The following PLEKHH3 variants were observed in gnomAD, a reference collection of about 807,000 sequenced individuals.
PLEKHH3 encodes the protein pleckstrin homology, MyTH4 and FERM domain containing H3, also known as pleckstrin homology domain-containing family H member 3.
A neutral mutation model predicts 77.8 loss-of-function variants in PLEKHH3; 57 were observed. The ratio of observed to expected loss-of-function variants is 0.73; its 90% CI spans 0.59 to 0.91. The LOEUF is 0.91. Ranked by LOEUF, PLEKHH3 falls within the 40% of genes least tolerant of loss-of-function variation. The probability of loss-of-function intolerance (pLI) is 0.00; values close to 1 mark genes in which losing one functional copy is unlikely to be tolerated. For missense variants in PLEKHH3, 1,082 were observed against 1,091.2 expected, an observed-to-expected ratio of 0.99 and a Z score of 0.12; for synonymous variants, 467 against 504.8, an observed-to-expected ratio of 0.93 and a Z score of 1.00.
chr17:42,675,571 G>T (rs188591421), intron 1 of PLEKHH3, among the ~76,000 whole-genome samples: 79 of 152,248 alleles, frequency 5.2e-4, no homozygotes, highest in African/African-American at 1.8e-3. Context: ...CGCCGGCCCC[G>T]GCGGCGCAGC....
In PLEKHH3 at chr17:42,673,307, A is replaced by C; in HGVS notation, c.649-11T>G. 5 of 1,599,236 alleles carry C rather than the reference A, an allele frequency of 3.1e-6. No homozygotes were observed. The highest frequency in any genetic ancestry group is 4.3e-6 in the Non-Finnish European group (5 of 1,175,776). ...GTCCCCGCAACTTTCCTAGGGGGCC[A>C]GGGAGAGGGTCACCTTGATGGGGAA... On this transcript the variant is annotated splice_polypyrimidine_tract_variant and intron_variant, in intron 5 of 12. Transcript: ENST00000591022.
intron 6 of PLEKHH3, 34 bp from the exon 7 acceptor site, chr17:42,672,426 A>T (rs1416685973): frequency 1.4e-6 from 2 of 1,475,770 alleles, no homozygotes; most frequent in South Asian, 2.7e-5. Flanking sequence ...GACGGTTTGG[A>T]GAGGGGACAC....
Position 42,671,033 on chromosome 17 carries a change from C to A in PLEKHH3, c.1382G>T (p.Gly461Val). Residue 461 changes from glycine (G) to valine (V), a missense_variant, in exon 9 of 13, where the codon GGG becomes GTG. Around this residue, in one of 3 missense-constraint regions of PLEKHH3, gnomAD observed 733 missense variants for 750.0 expected, o/e 0.98. Transcript: ENST00000591022. This position sits in a 1 kb window ranked among gnomAD's most constrained non-coding sequence, Gnocchi z 4.7. ...QRGAQERALAGGTLVADVLTR... is the reference protein window; with the variant it reads ...QRGAQERALAVGTLVADVLTR... The stretch of plus-strand genomic sequence containing the variant: ...GAGCACGTCGGCCACGAGGGTCCCC[C>A]CAGCCAGGGCTCGCTCCTGGGCCCC... 6.2e-7 allele frequency: 1 copy of A among 1,611,046 alleles called. No individual in the cohort carries two copies. The highest frequency in any genetic ancestry group is 8.5e-7 in the Non-Finnish European group (1 of 1,179,186).
chr17:42,672,456 A>T (rs1460189093), intron 6 of PLEKHH3, 64 bp from the exon 7 acceptor site: 1 of 1,398,038 alleles, frequency 7.2e-7, no homozygotes, highest in Non-Finnish European at 9.4e-7. Flanking sequence ...CCCTGGGAGG[A>T]AGGCATGAAC....
At chr17:42,673,136 C>T (rs1334873348) in intron 6 of PLEKHH3, 40 bp downstream of exon 6, 1 of 1,492,042 alleles carries the variant, frequency 6.7e-7, no homozygotes, top group South Asian at 1.4e-5. Context: ...TCTGAACCAC[C>T]CCATCCCATC....
rs763766690 is a variant in PLEKHH3, at chr17:42,669,488, C to T, written c.2147G>A (p.Gly716Asp). Reference sequence around the variant, plus strand: ...CACCCTCAAGGCCAGGGTGTGGGGGCCCATTAGCTGGCAGGCGGCCACATG... The same window carrying T: ...CACCCTCAAGGCCAGGGTGTGGGGGTCCATTAGCTGGCAGGCGGCCACATG... ...YGHVAACQLM[G>D]PHTLALRVGE... Residue 716 changes from glycine to aspartate, a missense_variant, in exon 12 of 13, where the codon GGC (glycine) becomes GAC (aspartate). This residue lies in a region of PLEKHH3 where 733 missense variants were observed against 750.0 expected (regional missense o/e 0.98). Coordinates refer to ENST00000591022, the MANE Select transcript of PLEKHH3 (RefSeq NM_024927.5). 3 of 1,602,266 alleles carry T rather than the reference C, an allele frequency of 1.9e-6. No homozygotes were observed. Among genetic ancestry groups the T allele is most frequent in the Admixed American group, 1.7e-5 (1 of 59,440 alleles).
In PLEKHH3 at chr17:42,676,466, C is replaced by T. The variant is rs2052830298; in HGVS notation, c.98G>A (p.Gly33Glu). ...DYGDGELSGD[G>E]DEDEDEETFE... ...GGTTTCCTCGTCCTCGTCCTCGTCC[C>T]CGTCCCCGCTAAGCTCGCCGTCCCC... The change falls in exon 1 of 13, where the codon GGG (glycine) becomes GAG (glutamate). Residue 33 changes from glycine (G) to glutamate (E), a missense_variant. Gly to Glu is a moderately conservative substitution (Grantham distance 98). Coordinates refer to ENST00000591022, the MANE Select transcript of PLEKHH3 (RefSeq NM_024927.5). This position sits in a 1 kb window ranked among gnomAD's most constrained non-coding sequence, Gnocchi z 6.6. 6.2e-7 allele frequency: 1 copy of T among 1,612,984 alleles called. No individual in the cohort carries two copies. The highest frequency in any genetic ancestry group is 1.6e-4 in the Middle Eastern group (1 of 6,062).
At position 42,671,203 on chromosome 17, in the gene PLEKHH3, A is replaced by G; in HGVS notation, c.1285-73T>C. On this transcript the variant is annotated intron_variant, in intron 8 of 12. Coordinates refer to ENST00000591022, the MANE Select transcript of PLEKHH3 (RefSeq NM_024927.5). The surrounding 1 kb of genome is among the most constrained non-coding windows in gnomAD (Gnocchi z 4.7). ...TCTGGGAGGGGTTGATTCAATTGGA[A>G]GGGGTCTCTTAGTCCTGTCACCACC... 1 of 1,527,340 alleles carries G rather than the reference A, an allele frequency of 6.5e-7. No individual in the cohort carries two copies. Among genetic ancestry groups the G allele is most frequent in the Non-Finnish European group, 8.8e-7 (1 of 1,134,778 alleles). The allele number at this position is 1,527,340 out of a possible 1,614,324, so 94.6% of individuals were successfully genotyped here.
chr17:42,672,652 G>A (rs1016730798), intron 6 of PLEKHH3, among the ~76,000 whole-genome samples: 2 of 152,048 alleles, frequency 1.3e-5, no homozygotes, highest in African/African-American at 4.8e-5. Flanking sequence ...GGCCGGGAAG[G>A]GCTGTAGATT....
In PLEKHH3 at chr17:42,672,195, C is replaced by T. The variant is rs376069185; in HGVS notation, c.967G>A (p.Ala323Thr). Reference sequence around the variant, plus strand: ...CGCAGGGCCGCAGGGTCTTGGGTAGCCGGGAGCCCGGGGGGACCTGCAGGG... The same window carrying T: ...CGCAGGGCCGCAGGGTCTTGGGTAGTCGGGAGCCCGGGGGGACCTGCAGGG... ...SGPAGPPGLP[A>T]TQDPAALRYW... The change falls in exon 7 of 13, where the codon GCT becomes ACT. Residue 323 changes from alanine (A) to threonine (T), a missense_variant. Ala to Thr is a moderately conservative substitution (Grantham distance 58). This residue lies in a region of PLEKHH3 where 733 missense variants were observed against 750.0 expected (regional missense o/e 0.98). Transcript: ENST00000591022. 6.4e-6 allele frequency: 10 copies of T among 1,551,108 alleles called. No homozygotes were observed. The highest frequency in any genetic ancestry group is 8.7e-6 in the Non-Finnish European group (10 of 1,147,068).
At chr17:42,674,816 G>A (rs2143605666) in intron 1 of PLEKHH3, 2 of 187,764 alleles carry the variant, frequency 1.1e-5, no homozygotes, top group South Asian at 1.9e-4. Flanking sequence ...AGGTGAGCTC[G>A]TTCTGCCAGG....
Position 42,670,636 on chromosome 17 carries a change from G to C in PLEKHH3, c.1491C>G (p.His497Gln), listed in dbSNP as rs1403963720. ...DSGWRLCLRL[H>Q]GPLHPEGLSP... ...ACAGCCCCTCAGGGTGCAGAGGTCC[G>C]TGAAGACGCAGACATAGTCTCCACC... The change falls in exon 10 of 13, where the codon CAC becomes CAG. Residue 497 changes from histidine (H) to glutamine (Q), a missense_variant. By Grantham distance (24) the His-to-Gln change is conservative (BLOSUM62 0). Around this residue, in one of 3 missense-constraint regions of PLEKHH3, gnomAD observed 733 missense variants for 750.0 expected, o/e 0.98. Transcript: ENST00000591022. The C allele has an allele frequency of 2.5e-6, 4 of 1,613,108 alleles. No homozygotes were observed. The East Asian group carries it at 6.7e-5, about 27-fold the overall frequency.
chr17:42,668,818 T>TTTTTTGTTG (rs535731925), intron 12 of PLEKHH3: 1 of 149,264 alleles, frequency 6.7e-6, no homozygotes, highest in Non-Finnish European at 1.5e-5. Context: ...AACATTTTTT[T>TTTTTTGTTG]TTGTTGTTGT....
rs756938924 is a variant in PLEKHH3, at chr17:42,671,273, G to A, written c.1284+78C>T. 5.6e-5 allele frequency: 88 copies of A among 1,559,550 alleles called. No homozygotes were observed. The highest frequency in any genetic ancestry group is 7.5e-5 in the Non-Finnish European group (86 of 1,146,756). ...TAATCTAGACTCGGGGCAAACCTAG[G>A]GTCCAGGAAGAGGGAGAGACAGGCG... On this transcript the variant is annotated intron_variant, in intron 8 of 12. Transcript: ENST00000591022. This position sits in a 1 kb window ranked among gnomAD's most constrained non-coding sequence, Gnocchi z 4.7.
intron 1 of PLEKHH3, chr17:42,675,849 G>A: frequency 1.0e-6 from 1 of 989,036 alleles, no homozygotes; most frequent in Non-Finnish European, 1.2e-6. Context: ...AAAGCCGAGA[G>A]TTCTGTCCTG....
chr17:42,670,438 C>T (rs2052668220), intron 10 of PLEKHH3, 62 bp from the exon 11 acceptor site: 4 of 1,463,844 alleles, frequency 2.7e-6, no homozygotes, highest in East Asian at 2.5e-5. Flanking sequence ...GAAAACGCCT[C>T]GCGGAATCTG....
chr17:42,671,661 C>T lies in PLEKHH3; in HGVS notation c.1077-103G>A. On this transcript the variant is annotated intron_variant, in intron 7 of 12. Transcript: ENST00000591022. This position sits in a 1 kb window ranked among gnomAD's most constrained non-coding sequence, Gnocchi z 4.7. ...TTTATTTTATCTAGCCGATTTCCTC[C>T]CCGCCCCAACTCAAGTTCTTTGAAG... 8.2e-7 allele frequency: 1 copy of T among 1,225,792 alleles called. No homozygotes were observed. Among genetic ancestry groups the T allele is most frequent in the Non-Finnish European group, 1.1e-6 (1 of 887,168 alleles). 75.9% of individuals were successfully genotyped at this position (1,225,792 alleles called of 1,614,324 possible).
chr17:42,675,949 TCTC>T (rs2052815139), intron 1 of PLEKHH3: 1 of 1,033,778 alleles, frequency 9.7e-7, no homozygotes, highest in East Asian at 1.0e-4. Context: ...TGGGATGACT[TCTC>T]CCCCTCGTCC....
At chr17:42,672,496 A>T in intron 6 of PLEKHH3, 104 bp from the exon 7 acceptor site, 165 of 780,870 alleles carry the variant, frequency 2.1e-4, no homozygotes, top group Non-Finnish European at 2.5e-4. Context: ...ATATAAGGGG[A>T]TGGGGTGGCA....
Sources: allele counts gnomAD v4.1 joint callset (sites outside exome capture counted in the v4.1 genomes callset), GRCh38; gene constraint gnomAD v4.1.1; regional missense constraint gnomAD v4.1.1; non-coding constraint Gnocchi (gnomAD v3.1); transcripts MANE v1.5; gene names NCBI Gene and HGNC (gene_info 2026-07-23, HGNC 2026-07-21).